PRORP: variants seen among roughly 807,000 people sequenced by gnomAD.
PRORP encodes mitochondrial ribonuclease P catalytic subunit.
A neutral mutation model predicts 59.4 loss-of-function variants in PRORP; 51 were observed. That is an observed-to-expected ratio of 0.86 (90% CI 0.69 to 1.08). The LOEUF is 1.08. PRORP is among the 50% of genes least tolerant of loss of function. The pLI is 0.00. For missense variants in PRORP, 646 were observed against 690.3 expected (o/e 0.94, Z 0.72); for synonymous variants, 231 against 245.6 (o/e 0.94, Z 0.55).
intron 4 of PRORP, among the ~76,000 whole-genome samples, chr14:35,141,972 G>A (rs1266637861): frequency 6.9e-6 from 1 of 145,036 alleles, no homozygotes; most frequent in African/African-American, 2.4e-5. Flanking sequence ...TCTGCCTCCT[G>A]GGTTCAAACG....
At chr14:35,133,066 T>C (rs2047289530) in intron 4 of PRORP, among the ~76,000 whole-genome samples, 1 of 151,854 alleles carries the variant, frequency 6.6e-6, no homozygotes, top group South Asian at 2.1e-4. Context: ...GGATTACAGG[T>C]TCACGTCACC....
chr14:35,133,704 G>A (rs2047305936), intron 4 of PRORP, among the ~76,000 whole-genome samples: 1 of 152,152 alleles, frequency 6.6e-6, no homozygotes, highest in African/African-American at 2.4e-5. Context: ...TGCTTTAGGG[G>A]GCAGCCAAAG....
At chr14:35,122,909 A>C in intron 1 of PRORP, 43 bp from the exon 2 acceptor site, 1 of 237,104 alleles carries the variant, frequency 4.2e-6, no homozygotes, top group Non-Finnish European at 8.4e-6. Context: ...GCTGTGATCC[A>C]CGTGAGTAAA....
chr14:35,136,594 C>T lies in PRORP; in HGVS notation c.1167+8983C>T, dbSNP rs191398104. Among the ~76,000 whole-genome samples, 939 of 144,952 alleles carry T rather than the reference C, an allele frequency of 6.5e-3. 118 individuals are homozygous for T. The highest frequency in any genetic ancestry group is 7.5e-3 in the Non-Finnish European group (491 of 65,240). ...TTCTCCATATTGGTGAGGCTGGTCT[C>T]GAACTCCCAGCCTCAGGTGATCCAC... On this transcript the variant is annotated intron_variant, in intron 4 of 7. Transcript: ENST00000534898.
intron 5 of PRORP, among the ~76,000 whole-genome samples, chr14:35,183,917 T>C (rs956778679): frequency 2.6e-5 from 4 of 152,302 alleles, no homozygotes; most frequent in African/African-American, 9.6e-5. Flanking sequence ...TCTGTCTTCC[T>C]TATCTTTCTC....
intron 6 of PRORP, among the ~76,000 whole-genome samples, chr14:35,269,005 A>AT (rs1313225930): frequency 1.3e-5 from 2 of 152,180 alleles, no homozygotes; most frequent in Non-Finnish European, 2.9e-5. Flanking sequence ...TAGCTGGAAG[A>AT]TGGTGCTTCC....
In PRORP at chr14:35,136,562, CG is replaced by C. The variant is rs2047380234; in HGVS notation, c.1167+8956del. Among the ~76,000 whole-genome samples the C allele has an allele frequency of 1.4e-5, 2 of 144,540 alleles. 1 individual carries two copies. The highest frequency in any genetic ancestry group is 1.4e-4 in the Admixed American group (2 of 13,810). The allele number at this position is 144,540 out of a possible 152,430, so 94.8% of individuals were successfully genotyped here. A position where few individuals can be genotyped will look rare whatever the true frequency, so the allele number is the denominator to read the frequency against. On this transcript the variant is annotated intron_variant, in intron 4 of 7. Coordinates refer to ENST00000534898, the MANE Select transcript of PRORP (RefSeq NM_014672.4). ...GCTAATTTTGTATTTTTAGTAGAGA[CG>C]GGGGTTTCTCCATATTGGTGAGGCT...
At chr14:35,127,009 C>CTA (rs2047115114) in intron 3 of PRORP, among the ~76,000 whole-genome samples, 1 of 152,104 alleles carries the variant, frequency 6.6e-6, no homozygotes, top group Non-Finnish European at 1.5e-5. Context: ...TGTTTTTTCC[C>CTA]TAGAGGTTCC....
At chr14:35,215,783 G>A (rs1300424945) in intron 5 of PRORP, among the ~76,000 whole-genome samples, 2 of 150,660 alleles carry the variant, frequency 1.3e-5, no homozygotes, top group African/African-American at 4.9e-5. Context: ...TTTTTTCTTG[G>A]GGGGACAGGG....
chr14:35,174,587 A>C (rs895343712), intron 4 of PRORP, among the ~76,000 whole-genome samples: 1 of 152,160 alleles, frequency 6.6e-6, no homozygotes, highest in African/African-American at 2.4e-5. Flanking sequence ...AAACAGCCAT[A>C]GGTAAATAAA....
chr14:35,272,147 A>G (rs1342783698), intron 7 of PRORP, among the ~76,000 whole-genome samples: 1 of 152,250 alleles, frequency 6.6e-6, no homozygotes, highest in African/African-American at 2.4e-5. Context: ...AATGTGTTGT[A>G]TCATTGAAAA....
At chr14:35,257,799 A>G (rs2050797166) in intron 5 of PRORP, among the ~76,000 whole-genome samples, 1 of 152,216 alleles carries the variant, frequency 6.6e-6, no homozygotes, top group South Asian at 2.1e-4. Context: ...AACCTCAGGA[A>G]GTGCCATAGA....
At chr14:35,216,283 T>G (rs2049591982) in intron 5 of PRORP, among the ~76,000 whole-genome samples, 1 of 151,106 alleles carries the variant, frequency 6.6e-6, no homozygotes, top group African/African-American at 2.4e-5. Context: ...TTTTATTTGT[T>G]TTTGTCTTTT....
At chr14:35,255,771 A>G (rs1024816088) in intron 5 of PRORP, among the ~76,000 whole-genome samples, 7 of 152,198 alleles carry the variant, frequency 4.6e-5, no homozygotes, top group Non-Finnish European at 1.0e-4. Flanking sequence ...ATCTAAATGG[A>G]GGAAATTCTC....
chr14:35,172,858 G>A (rs1002088400), intron 4 of PRORP, among the ~76,000 whole-genome samples: 3 of 147,646 alleles, frequency 2.0e-5, no homozygotes, highest in African/African-American at 7.7e-5. Context: ...GAGCCACTGC[G>A]CCCAGCCAGT....
intron 5 of PRORP, among the ~76,000 whole-genome samples, chr14:35,225,171 G>C (rs137897288): frequency 6.6e-6 from 1 of 152,088 alleles, no homozygotes; most frequent in Non-Finnish European, 1.5e-5. Flanking sequence ...AATATAGTAT[G>C]ACTTACCACA....
intron 4 of PRORP, among the ~76,000 whole-genome samples, chr14:35,140,935 T>A (rs554260290): frequency 6.8e-6 from 1 of 146,338 alleles, no homozygotes; most frequent in East Asian, 2.3e-4. Flanking sequence ...CATATAAAAA[T>A]TATTCTAGGT....
At chr14:35,154,208 A>G (rs1393308686) in intron 4 of PRORP, among the ~76,000 whole-genome samples, 2 of 152,228 alleles carry the variant, frequency 1.3e-5, no homozygotes, top group African/African-American at 4.8e-5. Flanking sequence ...AAGACAGTGC[A>G]CAGTAGAACA....
At chr14:35,267,102 A>G (rs1288712566) in intron 6 of PRORP, among the ~76,000 whole-genome samples, 4 of 152,158 alleles carry the variant, frequency 2.6e-5, no homozygotes, top group Non-Finnish European at 4.4e-5. Flanking sequence ...GGAAATCAGG[A>G]TAAAGGAGAA....
Sources: allele counts gnomAD v4.1 joint callset (sites outside exome capture counted in the v4.1 genomes callset), GRCh38; gene constraint gnomAD v4.1.1; transcripts MANE v1.5; gene names NCBI Gene and HGNC (gene_info 2026-07-23, HGNC 2026-07-21).